TBC1D12: variants seen among roughly 807,000 people sequenced by gnomAD.
TBC1D12 encodes the protein TBC1 domain family member 12.
Under a neutral mutation model 86.7 loss-of-function variants are expected in TBC1D12, and 56 were observed. The observed-to-expected ratio is 0.65, with a 90% CI of 0.52 to 0.81. The LOEUF (loss-of-function observed/expected upper bound fraction) is 0.81, where lower values mean the gene tolerates loss of function less well. Ranked by LOEUF, TBC1D12 falls within the 30% of genes least tolerant of loss-of-function variation. The pLI, the probability that TBC1D12 is intolerant of heterozygous loss-of-function variation, is 0.00. For missense variants in TBC1D12, 1,023 were observed against 1,038.8 expected (o/e 0.98, Z 0.21); for synonymous variants, 421 against 411.7 (o/e 1.02, Z -0.27).
At chr10:94,412,894 C>T (rs908824143) in intron 1 of TBC1D12, among the ~76,000 whole-genome samples, 1 of 152,110 alleles carries the variant, frequency 6.6e-6, no homozygotes, top group African/African-American at 2.4e-5. Flanking sequence ...TTTAAAATTA[C>T]TTGGAAGGGG....
chr10:94,500,103 T>C, intron 5 of TBC1D12, 118 bp from the exon 6 acceptor site: 1 of 874,786 alleles, frequency 1.1e-6, no homozygotes, highest in Non-Finnish European at 1.7e-6. Context: ...TACTTAATTC[T>C]CTATAGTCCT....
At chr10:94,521,050 C>T (rs1218799072) in intron 9 of TBC1D12, among the ~76,000 whole-genome samples, 1 of 150,168 alleles carries the variant, frequency 6.7e-6, no homozygotes, top group East Asian at 2.0e-4. Flanking sequence ...TTTAATTAAA[C>T]AAATGTATGG....
rs993690749 is a variant in TBC1D12, at chr10:94,504,093, T to C, written c.1520-3174T>C. Among the ~76,000 whole-genome samples, 9 of 152,256 alleles carry C rather than the reference T, an allele frequency of 5.9e-5. No homozygotes were observed. The South Asian group carries it at 1.9e-3, about 31-fold the overall frequency. Reference sequence around the variant, plus strand: ...GAGTTTGGAACAGATTGAATGTTTTTAAATTATAGTCAGAACTTTCAGTTA... The same window carrying C: ...GAGTTTGGAACAGATTGAATGTTTTCAAATTATAGTCAGAACTTTCAGTTA... On this transcript the variant is annotated intron_variant, in intron 6 of 12. Coordinates refer to ENST00000225235, the MANE Select transcript of TBC1D12 (RefSeq NM_015188.2).
chr10:94,441,814 G>T, intron 1 of TBC1D12, 82 bp from the exon 2 acceptor site: 2 of 1,439,540 alleles, frequency 1.4e-6, no homozygotes, highest in Admixed American at 2.2e-5. Context: ...TTTTGCCTTG[G>T]GAACAAACTT....
chr10:94,492,447 G>T lies in TBC1D12; in HGVS notation c.1212-918G>T, dbSNP rs369075122. Among the ~76,000 whole-genome samples the T allele has an allele frequency of 2.6e-3, 397 of 152,236 alleles. 18 individuals are homozygous for T. In the South Asian group the frequency reaches 0.079, roughly 30 times the overall value. Reference sequence around the variant, plus strand: ...TTTTGTTTAACTAAGGGAAATGAAAGCAAATGTCTACACAAAAACTTGATG... The same window carrying T: ...TTTTGTTTAACTAAGGGAAATGAAATCAAATGTCTACACAAAAACTTGATG... On this transcript the variant is annotated intron_variant, in intron 3 of 12. Transcript: ENST00000225235.
At chr10:94,516,672 G>T (rs1392722593) in intron 9 of TBC1D12, among the ~76,000 whole-genome samples, 11 of 149,334 alleles carry the variant, frequency 7.4e-5, no homozygotes, top group East Asian at 2.0e-4. Flanking sequence ...GCAGTGTTTG[G>T]TTTTTTGTTC....
At chr10:94,442,095 T>A in intron 2 of TBC1D12, 76 bp downstream of exon 2, 1 of 1,432,562 alleles carries the variant, frequency 7.0e-7, no homozygotes, top group Non-Finnish European at 9.3e-7. Flanking sequence ...TTTTTTTTTT[T>A]TTTTAAACTA....
chr10:94,509,112 T>G (rs1484974860), intron 7 of TBC1D12: 4 of 149,550 alleles, frequency 2.7e-5, no homozygotes, highest in East Asian at 2.0e-4. Flanking sequence ...AAAGTGTTTT[T>G]TTTTTTTTTT....
At chr10:94,496,608 G>T (rs371553463) in intron 4 of TBC1D12, among the ~76,000 whole-genome samples, 2 of 152,060 alleles carry the variant, frequency 1.3e-5, no homozygotes, top group Non-Finnish European at 2.9e-5. Context: ...TAGATTTAGT[G>T]TAAATAGAAA....
At chr10:94,472,779 A>G (rs1396136012) in intron 2 of TBC1D12, among the ~76,000 whole-genome samples, 1 of 152,196 alleles carries the variant, frequency 6.6e-6, no homozygotes, top group African/African-American at 2.4e-5. Context: ...GTTTTTGATT[A>G]TGAACGGCTG....
At position 94,445,291 on chromosome 10, in the gene TBC1D12, G is replaced by A. The variant is rs181483018; in HGVS notation, c.1095+3272G>A. On this transcript the variant is annotated intron_variant, in intron 2 of 12. Coordinates refer to ENST00000225235, the MANE Select transcript of TBC1D12 (RefSeq NM_015188.2). ...GGAGAGTCACTTGAACCCGGGAGGC[G>A]GAGGTTGCAGTGAGCCGACGTTGTG... 2.7e-3 allele frequency among the ~76,000 whole-genome samples: 406 copies of A among 151,794 alleles called. 2 individuals carry two copies. Among genetic ancestry groups the A allele is most frequent in the African/African-American group, 9.1e-3 (379 of 41,452 alleles).
At chr10:94,493,694 A>G (rs1247317433) in intron 4 of TBC1D12, among the ~76,000 whole-genome samples, 2 of 152,136 alleles carry the variant, frequency 1.3e-5, no homozygotes, top group African/African-American at 4.8e-5. Flanking sequence ...CTGGGACCAC[A>G]GGCACGTGCC....
chr10:94,406,965 C>T (rs1807322910), intron 1 of TBC1D12, among the ~76,000 whole-genome samples: 1 of 152,114 alleles, frequency 6.6e-6, no homozygotes, highest in African/African-American at 2.4e-5. Flanking sequence ...TCTCTCCCAC[C>T]TATTTATCCT....
chr10:94,455,269 C>G (rs2055610919), intron 2 of TBC1D12, among the ~76,000 whole-genome samples: 1 of 151,704 alleles, frequency 6.6e-6, no homozygotes, highest in Non-Finnish European at 1.5e-5. Context: ...TCTTTTTATA[C>G]ATTGTTGGAT....
At position 94,495,816 on chromosome 10, in the gene TBC1D12, A is replaced by G. The variant is rs1471489737; in HGVS notation, c.1295-1239A>G. Among the ~76,000 whole-genome samples the G allele has an allele frequency of 3.3e-5, 5 of 152,212 alleles. No individual in the cohort carries two copies. The South Asian group carries it at 1.0e-3, about 32-fold the overall frequency. ...ATAAAACAAATAAAAGAAAGTAGAG[A>G]TTGTCGGCCAGATGCGGTAGCTCAC... On this transcript the variant is annotated intron_variant, in intron 4 of 12. Transcript: ENST00000225235.
intron 2 of TBC1D12, among the ~76,000 whole-genome samples, chr10:94,466,738 T>G (rs1246664572): frequency 6.6e-6 from 1 of 152,190 alleles, no homozygotes; most frequent in African/African-American, 2.4e-5. Context: ...ACCCTGTACA[T>G]TTGTCAAAAC....
chr10:94,421,080 A>G (rs1243515546), intron 1 of TBC1D12, among the ~76,000 whole-genome samples: 1 of 152,160 alleles, frequency 6.6e-6, no homozygotes, highest in Non-Finnish European at 1.5e-5. Context: ...GTAGAACACC[A>G]AAACTTATTC....
intron 3 of TBC1D12, among the ~76,000 whole-genome samples, 157 bp from the exon 4 acceptor site, chr10:94,493,208 C>T (rs565284445): frequency 2.6e-5 from 4 of 152,116 alleles, no homozygotes; most frequent in African/African-American, 7.2e-5. Context: ...TGATTCTGTT[C>T]TAAAATGCAC....
chr10:94,465,550 G>A (rs967635389), intron 2 of TBC1D12, among the ~76,000 whole-genome samples: 19 of 152,022 alleles, frequency 1.2e-4, no homozygotes, highest in Non-Finnish European at 2.4e-4. Flanking sequence ...GGAGGCTGAG[G>A]CAGGAGAATC....
Sources: gnomAD v4.1 joint callset for allele counts (sites outside exome capture counted in the v4.1 genomes callset) on GRCh38, gnomAD v4.1.1 for gene constraint, MANE v1.5 for transcripts, NCBI Gene and HGNC (gene_info 2026-07-23, HGNC 2026-07-21) for gene names.